The following SWAP70 variants were observed in gnomAD, a reference collection of about 807,000 sequenced individuals.
SWAP70 encodes switch-associated protein 70.
Under a neutral mutation model 80.2 loss-of-function variants are expected in SWAP70, and 34 were observed. The observed-to-expected ratio is 0.42, with a 90% CI of 0.32 to 0.56. The LOEUF (loss-of-function observed/expected upper bound fraction) is 0.56, where lower values mean the gene tolerates loss of function less well. Among genes scored for constraint, SWAP70 ranks in the 20% least tolerant of loss-of-function variants. The probability of loss-of-function intolerance (pLI) is 0.09; values close to 1 mark genes in which losing one functional copy is unlikely to be tolerated. For synonymous variants in SWAP70, 239 were observed against 238.5 expected (o/e 1.00, Z -0.02); for missense variants, 578 against 690.7 (o/e 0.84, Z 1.83).
chr11:9,749,234 A>T (rs1211882578), intron 11 of SWAP70, 51 bp downstream of exon 11: 6 of 995,932 alleles, frequency 6.0e-6, no homozygotes, highest in South Asian at 5.6e-5. Flanking sequence ...TTTCATTTTT[A>T]TTTTATTTAA....
chr11:9,666,181 G>T (rs553850072), intron 1 of SWAP70, among the ~76,000 whole-genome samples: 70 of 151,344 alleles, frequency 4.6e-4, no homozygotes, highest in Non-Finnish European at 7.1e-4. Context: ...TGTCTCCTAG[G>T]TTCTAGAGAT....
At chr11:9,680,523 C>A (rs963656570) in intron 1 of SWAP70, among the ~76,000 whole-genome samples, 2 of 152,100 alleles carry the variant, frequency 1.3e-5, no homozygotes, top group African/African-American at 4.8e-5. Context: ...TCAAGTGATT[C>A]TCCTGCCTCA....
chr11:9,709,274 G>T (rs1322054121), intron 2 of SWAP70, among the ~76,000 whole-genome samples: 1 of 150,794 alleles, frequency 6.6e-6, no homozygotes, highest in Non-Finnish European at 1.5e-5. Flanking sequence ...AAAGGCACAT[G>T]CCAACATGCT....
intron 1 of SWAP70, among the ~76,000 whole-genome samples, chr11:9,677,042 TTCTC>T (rs1565112462): frequency 6.6e-6 from 1 of 151,834 alleles, no homozygotes. Context: ...CCAACTGTAT[TTCTC>T]TCTTTTTTTT....
Position 9,750,188 on chromosome 11 carries a change from A to G in SWAP70, c.*218A>G. On this transcript the variant is annotated 3_prime_UTR_variant, in exon 12 of 12. Coordinates refer to ENST00000318950, the MANE Select transcript of SWAP70 (RefSeq NM_015055.4). ...CCCTGTCTCTACTAAAAATACAAAA[A>G]AAATTAGCTGAGCGTGGTGGCGGGC... 2 of 298,408 alleles carry G rather than the reference A, an allele frequency of 6.7e-6. 1 individual carries two copies. The highest frequency in any genetic ancestry group is 1.0e-4 in the South Asian group (2 of 20,074). 18.5% of individuals were successfully genotyped at this position (298,408 alleles called of 1,614,324 possible).
chr11:9,664,329 G>C (rs758920896), intron 1 of SWAP70, 51 bp downstream of exon 1: 1 of 1,529,074 alleles, frequency 6.5e-7, no homozygotes, highest in Non-Finnish European at 8.8e-7. Context: ...GGCGCGCTCT[G>C]TACTTCCCTT....
rs887622791 is a variant in SWAP70, at chr11:9,751,575, T to G, written c.*1605T>G. 9.2e-5 allele frequency: 14 copies of G among 152,230 alleles called. No individual in the cohort carries two copies. The highest frequency in any genetic ancestry group is 3.4e-4 in the African/African-American group (14 of 41,452). 9.4% of individuals were successfully genotyped at this position (152,230 alleles called of 1,614,324 possible). ...AGGTATTAAATGAGGACAGAGAACC[T>G]CAGGTGTTCTTATGCTAGTGCTTGC... On this transcript the variant is annotated 3_prime_UTR_variant, in exon 12 of 12. Coordinates refer to ENST00000318950, the MANE Select transcript of SWAP70 (RefSeq NM_015055.4).
At position 9,728,644 on chromosome 11, in the gene SWAP70, T is replaced by A. The variant is rs1047806135; in HGVS notation, c.789+445T>A. Among the ~76,000 whole-genome samples the A allele has an allele frequency of 4.5e-4, 69 of 152,338 alleles. 1 individual carries two copies. Among genetic ancestry groups the A allele is most frequent in the African/African-American group, 1.5e-3 (64 of 41,584 alleles). ...TTTGGGTGACTTTCAGGACACTTTA[T>A]TCATAGGTACTAATTCTTTAAAGAA... is the stretch of plus-strand genomic sequence containing the variant. On this transcript the variant is annotated intron_variant, in intron 5 of 11. Transcript: ENST00000318950.
rs77728866 is a variant in SWAP70 at position 9,672,782 on chromosome 11, GA to G, written c.99+8505del. 0.016 allele frequency among the ~76,000 whole-genome samples: 2,384 copies of G among 152,014 alleles called. 122 individuals are homozygous for G. In the East Asian group the frequency reaches 0.17, roughly 11 times the overall value. ...CCTTGAGGGCCCCCAGTGTAGTACA[GA>G]CAAAGCTTATTTATATACCTAATTT... On this transcript the variant is annotated intron_variant, in intron 1 of 11. Coordinates refer to ENST00000318950, the MANE Select transcript of SWAP70 (RefSeq NM_015055.4).
chr11:9,729,173 A>C (rs375404319), intron 5 of SWAP70, among the ~76,000 whole-genome samples, 170 bp from the exon 6 acceptor site: 6 of 152,340 alleles, frequency 3.9e-5, no homozygotes, highest in African/African-American at 1.4e-4. Context: ...AACTGGGGTC[A>C]TTTTTACCAT....
chr11:9,699,379 T>G (rs1299391336), intron 2 of SWAP70, among the ~76,000 whole-genome samples: 2 of 152,192 alleles, frequency 1.3e-5, no homozygotes, highest in African/African-American at 4.8e-5. Flanking sequence ...CACTTTACAG[T>G]ATAATGCTTT....
Position 9,747,859 on chromosome 11 carries a change from T to C in SWAP70, c.1357T>C (p.Leu453=). Residue 453 remains leucine, a splice_region_variant and synonymous_variant, in exon 10 of 12, where the codon TTG becomes CTG. Transcript: ENST00000318950. ...EETVRKLQAR[L]LEEESSKRAE... is the part of the protein sequence containing the mutation. ...CTGGAGCTTTCCTCCACATTGTAGG[T>C]TGTTGGAGGAAGAGTCTTCCAAGAG... 1 of 1,613,902 alleles carries C rather than the reference T, an allele frequency of 6.2e-7. No homozygotes were observed. Among genetic ancestry groups the C allele is most frequent in the Non-Finnish European group, 8.5e-7 (1 of 1,179,888 alleles).
chr11:9,705,571 G>A (rs1333632850), intron 2 of SWAP70, among the ~76,000 whole-genome samples: 4 of 128,610 alleles, frequency 3.1e-5, no homozygotes, highest in African/African-American at 1.0e-4. Flanking sequence ...TGATCTGTAT[G>A]CACTGGTGAT....
intron 3 of SWAP70, among the ~76,000 whole-genome samples, chr11:9,717,801 TA>T (rs1199139356): frequency 6.6e-6 from 1 of 152,176 alleles, no homozygotes; most frequent in African/African-American, 2.4e-5. Flanking sequence ...ATCACTAAAA[TA>T]TTTGGTGGAC....
chr11:9,735,946 TA>T (rs1851358085), intron 7 of SWAP70, among the ~76,000 whole-genome samples: 1 of 152,132 alleles, frequency 6.6e-6, no homozygotes, highest in South Asian at 2.1e-4. Flanking sequence ...CAGCCACAAA[TA>T]TTTTTTCTAC....
At chr11:9,701,386 G>T (rs908075568) in intron 2 of SWAP70, among the ~76,000 whole-genome samples, 1 of 151,852 alleles carries the variant, frequency 6.6e-6, no homozygotes, top group Non-Finnish European at 1.5e-5. Context: ...TGGCCAGGCT[G>T]GTCTTGAACT....
chr11:9,703,240 G>T (rs963217131), intron 2 of SWAP70, among the ~76,000 whole-genome samples: 1 of 152,120 alleles, frequency 6.6e-6, no homozygotes. Context: ...GTTCATCCAC[G>T]TTGTATCCTA....
chr11:9,732,434 G>C, intron 6 of SWAP70, 95 bp from the exon 7 acceptor site: 2 of 1,261,010 alleles, frequency 1.6e-6, no homozygotes, highest in Non-Finnish European at 2.2e-6. Context: ...CTGGCTCCCT[G>C]TCTCATTTTC....
At chr11:9,714,006 A>T (rs1851033172) in intron 3 of SWAP70, among the ~76,000 whole-genome samples, 1 of 152,214 alleles carries the variant, frequency 6.6e-6, no homozygotes, top group African/African-American at 2.4e-5. Context: ...GAGATCCAGA[A>T]TGTTGTTTTC....
Sources: allele counts gnomAD v4.1 joint callset (sites outside exome capture counted in the v4.1 genomes callset), GRCh38; gene constraint gnomAD v4.1.1; transcripts MANE v1.5; gene names NCBI Gene and HGNC (gene_info 2026-07-23, HGNC 2026-07-21).